The following VRTN variants were observed in gnomAD, a reference collection of about 807,000 sequenced individuals.
The protein encoded by VRTN is vertnin.
In VRTN, 5 loss-of-function variants were observed where a neutral mutation model predicts 18.2. That is an observed-to-expected ratio of 0.27 (90% CI 0.14 to 0.58). The LOEUF is 0.58. Among genes scored for constraint, VRTN ranks in the 20% least tolerant of loss-of-function variants. VRTN has a pLI of 0.91. For missense variants in VRTN, 741 were observed against 939.4 expected, an observed-to-expected ratio of 0.79 and a Z score of 2.76; for synonymous variants, 381 against 393.7, an observed-to-expected ratio of 0.97 and a Z score of 0.38.
At position 74,358,706 on chromosome 14, in the gene VRTN, G is replaced by C; in HGVS notation, c.1923G>C (p.Leu641=). 6.2e-7 allele frequency: 1 copy of C among 1,614,204 alleles called. No individual in the cohort carries two copies. Among genetic ancestry groups the C allele is most frequent in the Non-Finnish European group, 8.5e-7 (1 of 1,180,042 alleles). ...AAAGGRDGRM[L]VMDMIATTKF... ...CGGGTGGCAGGGATGGCCGGATGCT[G>C]GTGATGGACATGATCGCTACCACGA... Residue 641 remains leucine (L), a synonymous_variant, in exon 2 of 2, where the codon CTG becomes CTC. Transcript: ENST00000256362. The surrounding 1 kb of genome is among the most constrained non-coding windows in gnomAD (Gnocchi z 5.4).
At chr14:74,307,699 T>C (rs974997607) in intron 1 of VRTN, among the ~76,000 whole-genome samples, 4 of 152,122 alleles carry the variant, frequency 2.6e-5, no homozygotes, top group Non-Finnish European at 5.9e-5. Context: ...TTTGAGTTTA[T>C]ATTTCAGAGT....
chr14:74,303,275 G>T (rs931286662), intron 1 of VRTN: 1 of 203,552 alleles, frequency 4.9e-6, no homozygotes. Flanking sequence ...TTCCAGCCGG[G>T]CCCGGTGGGT....
chr14:74,318,572 C>T (rs1188033173), intron 1 of VRTN, among the ~76,000 whole-genome samples: 4 of 151,656 alleles, frequency 2.6e-5, no homozygotes, highest in African/African-American at 4.8e-5. Flanking sequence ...CGCAAGGCCC[C>T]GGCTAATTTT....
intron 1 of VRTN, among the ~76,000 whole-genome samples, chr14:74,307,159 T>TTC (rs1410972710): frequency 6.8e-6 from 1 of 148,050 alleles, no homozygotes; most frequent in Admixed American, 6.8e-5. Context: ...TTTTTTTTTT[T>TTC]TGAGATGGAG....
At chr14:74,338,966 C>CCACA (rs2085583170) in intron 2 of VRTN, among the ~76,000 whole-genome samples, 1 of 152,138 alleles carries the variant, frequency 6.6e-6, no homozygotes, top group Non-Finnish European at 1.5e-5. Flanking sequence ...TTCAGGTGAT[C>CCACA]TGCCTGACTT....
intron 1 of VRTN, among the ~76,000 whole-genome samples, chr14:74,349,585 G>A (rs936412980): frequency 2.0e-5 from 3 of 152,216 alleles, no homozygotes; most frequent in Non-Finnish European, 4.4e-5. Context: ...TGAGGCTGGT[G>A]GGGAAGGATT....
chr14:74,327,710 T>TATTATTATTATTATTA (rs111392669), intron 1 of VRTN, among the ~76,000 whole-genome samples: 2 of 151,102 alleles, frequency 1.3e-5, no homozygotes, highest in African/African-American at 4.9e-5. Flanking sequence ...TTGATTTTAT[T>TATTATTATTATTATTA]TTATTATTAT....
chr14:74,357,274 C>G lies in VRTN; in HGVS notation c.491C>G (p.Ser164Cys). 6.2e-7 allele frequency: 1 copy of G among 1,613,648 alleles called. No homozygotes were observed. The highest frequency in any genetic ancestry group is 1.1e-5 in the South Asian group (1 of 91,076). Residue 164 changes from serine (S) to cysteine (C), a missense_variant, in exon 2 of 2, where the codon TCC becomes TGC. Around this residue, in one of 3 missense-constraint regions of VRTN, gnomAD observed 186 missense variants for 288.3 expected, o/e 0.65. Transcript: ENST00000256362. The surrounding 1 kb of genome is among the most constrained non-coding windows in gnomAD (Gnocchi z 7.8). ...EAIFDADVKA[S>C]CFPSSFSNVW... ...ATCTTCGATGCCGACGTCAAGGCCT[C>G]CTGTTTCCCCAGCAGCTTCTCCAAC...
In VRTN at chr14:74,357,984, T is replaced by G. The variant is rs751415809; in HGVS notation, c.1201T>G (p.Leu401Val). ...ALAVSSPGMV[L>V]MQRAKLYLEH... is the part of the protein sequence containing the mutation. ...GGCGGTGTCAAGCCCTGGAATGGTC[T>G]TAATGCAGCGGGCCAAGTTGTACCT... The change falls in exon 2 of 2, where the codon TTA becomes GTA. Residue 401 changes from leucine to valine, a missense_variant. By Grantham distance (32) the Leu-to-Val change is conservative. Transcript: ENST00000256362. The surrounding 1 kb of genome is among the most constrained non-coding windows in gnomAD (Gnocchi z 7.8). 1 of 1,614,218 alleles carries G rather than the reference T, an allele frequency of 6.2e-7. No individual in the cohort carries two copies. The highest frequency in any genetic ancestry group is 1.1e-5 in the South Asian group (1 of 91,088).
upstream of VRTN, among the ~76,000 whole-genome samples, chr14:74,346,606 T>G (rs1236033423): frequency 6.6e-6 from 1 of 152,130 alleles, no homozygotes; most frequent in Non-Finnish European, 1.5e-5. Flanking sequence ...TTCAATCTTT[T>G]GTAAAGAGAA....
At chr14:74,331,794 A>G (rs946907598) in intron 1 of VRTN, among the ~76,000 whole-genome samples, 3 of 151,612 alleles carry the variant, frequency 2.0e-5, no homozygotes, top group Non-Finnish European at 4.4e-5. Context: ...CTTATTTTAC[A>G]GATTAATTTA....
At chr14:74,355,702 CTTTTT>C (rs370960274) in intron 1 of VRTN, among the ~76,000 whole-genome samples, 1 of 148,906 alleles carries the variant, frequency 6.7e-6, no homozygotes, top group Non-Finnish European at 1.5e-5. Flanking sequence ...GCCTGGCTAA[CTTTTT>C]TTTTTGTATT....
chr14:74,303,843 A>ATTTTTTTTTTTTTTTTTTTTTTT (rs67822776), intron 1 of VRTN, among the ~76,000 whole-genome samples: 2 of 88,498 alleles, frequency 2.3e-5, no homozygotes, highest in African/African-American at 1.0e-4. Context: ...ACAATTACAG[A>ATTTTTTTTTTTTTTTTTTTTTTT]TTTTTTTTTT....
At chr14:74,326,768 C>T (rs1418739009) in intron 1 of VRTN, among the ~76,000 whole-genome samples, 1 of 148,298 alleles carries the variant, frequency 6.7e-6, no homozygotes, top group African/African-American at 2.5e-5. Flanking sequence ...CTTTTACAGC[C>T]TTCCCACCCC....
chr14:74,316,859 G>T (rs1028677640), intron 1 of VRTN, among the ~76,000 whole-genome samples: 22 of 151,776 alleles, frequency 1.4e-4, no homozygotes, highest in Admixed American at 1.4e-3. Context: ...GGATGGTCTC[G>T]ATTTCCTGAC....
chr14:74,335,765 G>A (rs113159685), intron 1 of VRTN, among the ~76,000 whole-genome samples: 8,376 of 147,862 alleles, frequency 0.057, 493 homozygotes, highest in African/African-American at 0.14. Flanking sequence ...TTGTGAGATA[G>A]GGTCTTGCTC....
intron 1 of VRTN, among the ~76,000 whole-genome samples, chr14:74,355,695 T>C (rs1479087116): frequency 6.6e-6 from 1 of 152,032 alleles, no homozygotes; most frequent in African/African-American, 2.4e-5. Flanking sequence ...CCACCATGCC[T>C]GGCTAACTTT....
At chr14:74,315,763 A>G (rs2085415837) in intron 1 of VRTN, among the ~76,000 whole-genome samples, 1 of 152,230 alleles carries the variant, frequency 6.6e-6, no homozygotes, top group South Asian at 2.1e-4. Flanking sequence ...AATGCTTATC[A>G]TGCTCAATGA....
chr14:74,306,153 TATATA>T (rs2085348065), intron 1 of VRTN: 1 of 67,910 alleles, frequency 1.5e-5, no homozygotes, highest in African/African-American at 8.9e-5. Context: ...TACATATATA[TATATA>T]TATATATATA....
Sources: gnomAD v4.1 joint callset for allele counts (sites outside exome capture counted in the v4.1 genomes callset) on GRCh38, gnomAD v4.1.1 for gene constraint, gnomAD v4.1.1 regional missense constraint, Gnocchi (gnomAD v3.1) non-coding constraint, MANE v1.5 for transcripts, NCBI Gene and HGNC (gene_info 2026-07-23, HGNC 2026-07-21) for gene names.